Variants in CCDC170 observed in about 807,000 individuals in gnomAD.
The protein encoded by CCDC170 is coiled-coil domain containing 170.
Under a neutral mutation model 72.6 loss-of-function variants are expected in CCDC170, and 69 were observed. The observed-to-expected ratio is 0.95, with a 90% CI of 0.78 to 1.16. CCDC170 has a LOEUF of 1.16. CCDC170 is among the 50% of genes most tolerant of loss of function. CCDC170 has a pLI of 0.00. For missense variants in CCDC170, 852 were observed against 832.5 expected (o/e 1.02, Z -0.29); for synonymous variants, 300 against 303.9 (o/e 0.99, Z 0.13).
intron 5 of CCDC170, among the ~76,000 whole-genome samples, chr6:151,557,081 A>G (rs1782991055): frequency 6.6e-6 from 1 of 152,054 alleles, no homozygotes; most frequent in Non-Finnish European, 1.5e-5. Flanking sequence ...TAATGGTTTA[A>G]TAGTATTCCA....
intron 5 of CCDC170, among the ~76,000 whole-genome samples, chr6:151,571,706 A>G (rs920123214): frequency 6.6e-6 from 1 of 151,664 alleles, no homozygotes; most frequent in Non-Finnish European, 1.5e-5. Context: ...CAGCCTGGGC[A>G]ATAAGAGTGA....
At chr6:151,559,734 A>G (rs1468710005) in intron 5 of CCDC170, among the ~76,000 whole-genome samples, 2 of 152,172 alleles carry the variant, frequency 1.3e-5, no homozygotes, top group Non-Finnish European at 2.9e-5. Context: ...ATTTTCGGAT[A>G]CATAGAAATG....
intron 9 of CCDC170, among the ~76,000 whole-genome samples, chr6:151,600,752 A>G (rs1776693816): frequency 6.6e-6 from 1 of 152,100 alleles, no homozygotes; most frequent in South Asian, 2.1e-4. Flanking sequence ...TACATGCCAT[A>G]AAGTTTATTT....
intron 1 of CCDC170, among the ~76,000 whole-genome samples, chr6:151,501,341 G>C (rs746691323): frequency 6.6e-6 from 1 of 152,084 alleles, no homozygotes; most frequent in Non-Finnish European, 1.5e-5. Context: ...GATTATATTG[G>C]AATAAGGCCT....
At chr6:151,515,577 AG>A (rs751809121) in intron 1 of CCDC170, among the ~76,000 whole-genome samples, 50 of 152,124 alleles carry the variant, frequency 3.3e-4, no homozygotes, top group Non-Finnish European at 6.9e-4. Context: ...GCCACTGTGC[AG>A]GTGGGAAGCC....
At position 151,573,315 on chromosome 6, in the gene CCDC170, G is replaced by T; in HGVS notation, c.916G>T (p.Glu306Ter). ...CCTGAAGAAAAGCTCTTCTGAGTTG[G>T]AGAAGAGTTTGAAGGCCAGTCAGGA... ...SLLKKSSSEL[E>*]KSLKASQDAV... is the part of the protein sequence containing the mutation. Residue 306 changes from glutamate (E) to a stop codon, truncating the protein, a stop_gained, in exon 6 of 11, where the codon GAG becomes TAG. Coordinates refer to ENST00000239374, the MANE Select transcript of CCDC170 (RefSeq NM_025059.4). LOFTEE classifies it high-confidence loss of function. The T allele has an allele frequency of 6.2e-7, 1 of 1,614,156 alleles. No individual in the cohort carries two copies. The highest frequency in any genetic ancestry group is 1.1e-5 in the South Asian group (1 of 91,080).
chr6:151,542,323 C>G (rs1312569620), intron 3 of CCDC170, among the ~76,000 whole-genome samples: 1 of 152,194 alleles, frequency 6.6e-6, no homozygotes, highest in Non-Finnish European at 1.5e-5. Flanking sequence ...TAGGCTCAAG[C>G]AATCCTCCCA....
intron 9 of CCDC170, among the ~76,000 whole-genome samples, chr6:151,614,568 C>T (rs1340621497): frequency 1.3e-5 from 2 of 151,962 alleles, no homozygotes; most frequent in African/African-American, 2.4e-5. Flanking sequence ...AATTCTCCTG[C>T]CTCAGCCTCC....
intron 9 of CCDC170, among the ~76,000 whole-genome samples, chr6:151,598,788 C>G (rs759104832): frequency 2.0e-5 from 3 of 152,198 alleles, no homozygotes; most frequent in South Asian, 2.1e-4. Flanking sequence ...ACCATCTGCT[C>G]TAACCATTTG....
At chr6:151,577,613 TCTGTGGGAG>T (rs1228779796) in intron 6 of CCDC170, among the ~76,000 whole-genome samples, 5 of 111,232 alleles carry the variant, frequency 4.5e-5, no homozygotes, top group Admixed American at 9.9e-5. Context: ...GTCCAGGGGC[TCTGTGGGAG>T]CTGTGGGGAC....
rs749993815 is a variant in CCDC170 at position 151,615,491 on chromosome 6, A to G, written c.1759A>G (p.Arg587Gly). ...AGCCATTGAAGATCTAAACAAATCC[A>G]GAGACCAACTGGAGAAGATGAAGGA... ...TKAIEDLNKS[R>G]DQLEKMKEKA... Residue 587 changes from arginine to glycine, a missense_variant, in exon 10 of 11, where the codon AGA becomes GGA. Coordinates refer to ENST00000239374, the MANE Select transcript of CCDC170 (RefSeq NM_025059.4). 1.2e-6 allele frequency: 2 copies of G among 1,614,174 alleles called. No individual in the cohort carries two copies. The highest frequency in any genetic ancestry group is 1.7e-5 in the Admixed American group (1 of 60,036).
intron 5 of CCDC170, among the ~76,000 whole-genome samples, chr6:151,552,359 C>T (rs1055415090): frequency 5.9e-5 from 9 of 152,092 alleles, no homozygotes; most frequent in African/African-American, 1.9e-4. Flanking sequence ...TGATCATTAT[C>T]AGGTTATTCC....
chr6:151,564,577 CT>C (rs1562283794), intron 5 of CCDC170, among the ~76,000 whole-genome samples: 1 of 152,160 alleles, frequency 6.6e-6, no homozygotes, highest in Non-Finnish European at 1.5e-5. Flanking sequence ...GGCTCTCAAG[CT>C]GTCTGTGCTG....
intron 5 of CCDC170, among the ~76,000 whole-genome samples, chr6:151,556,502 A>G (rs1782978247): frequency 6.6e-6 from 1 of 152,206 alleles, no homozygotes. Context: ...TTAAAGTAAT[A>G]CAATTTTATT....
At chr6:151,588,951 A>G (rs530966260) in intron 7 of CCDC170, among the ~76,000 whole-genome samples, 2 of 151,964 alleles carry the variant, frequency 1.3e-5, no homozygotes, top group African/African-American at 4.8e-5. Context: ...AAACAAACAA[A>G]CAAACAAAAA....
chr6:151,608,092 A>C lies in CCDC170; in HGVS notation c.1711-7351A>C, dbSNP rs527346997. ...CAGGTTTAGAAATTATTTCTTCTGCATGATCTAGTCTATTGTTGAAGCTCT... is the reference window on the plus strand; with the variant it reads ...CAGGTTTAGAAATTATTTCTTCTGCCTGATCTAGTCTATTGTTGAAGCTCT... On this transcript the variant is annotated intron_variant, in intron 9 of 10. Transcript: ENST00000239374. 2.0e-5 allele frequency among the ~76,000 whole-genome samples: 3 copies of C among 152,220 alleles called. No individual in the cohort carries two copies. In the South Asian group the frequency reaches 6.2e-4, roughly 32 times the overall value.
At chr6:151,558,232 G>GGTTTTTT (rs1783018050) in intron 5 of CCDC170, among the ~76,000 whole-genome samples, 5 of 70,880 alleles carry the variant, frequency 7.1e-5, no homozygotes, top group African/African-American at 2.9e-4. Context: ...TGAGATTAGT[G>GGTTTTTT]TTTTTTTTTT....
rs900983545 is a variant in CCDC170 at position 151,619,998 on chromosome 6, T to G, written c.*1851T>G. On this transcript the variant is annotated 3_prime_UTR_variant, in exon 11 of 11. Transcript: ENST00000239374. ...CTTGCAATAATTGTAAAAATTTGAA[T>G]GTGGACTAAGTCCTAGATTATATTA... 6.6e-6 allele frequency: 1 copy of G among 152,132 alleles called. No homozygotes were observed. Among genetic ancestry groups the G allele is most frequent in the African/African-American group, 2.4e-5 (1 of 41,436 alleles). 9.4% of individuals were successfully genotyped at this position (152,132 alleles called of 1,614,324 possible).
chr6:151,611,133 A>G (rs1181233334), intron 9 of CCDC170, among the ~76,000 whole-genome samples: 2 of 152,126 alleles, frequency 1.3e-5, no homozygotes, highest in African/African-American at 2.4e-5. Flanking sequence ...AAAATTAGCC[A>G]GGAGTGGTGG....
Sources: gnomAD v4.1 joint callset for allele counts (sites outside exome capture counted in the v4.1 genomes callset) on GRCh38, gnomAD v4.1.1 for gene constraint, MANE v1.5 for transcripts, NCBI Gene and HGNC (gene_info 2026-07-23, HGNC 2026-07-21) for gene names.